The following ELP4 variants were observed in gnomAD, a reference collection of about 807,000 sequenced individuals.
ELP4 encodes elongator complex protein 4.
A neutral mutation model predicts 48.9 loss-of-function variants in ELP4; 51 were observed. The observed-to-expected ratio is 1.04, with a 90% confidence interval of 0.83 to 1.32. The LOEUF (loss-of-function observed/expected upper bound fraction) is 1.32. Among genes scored for constraint, ELP4 ranks in the 40% most tolerant of loss-of-function variants. The probability of loss-of-function intolerance (pLI) is 0.00; values close to 1 mark genes in which losing one functional copy is unlikely to be tolerated. For missense variants in ELP4, 519 were observed against 514.6 expected (o/e 1.01, Z -0.08); for synonymous variants, 210 against 189.2 (o/e 1.11, Z -0.90).
intron 9 of ELP4, chr11:31,763,274 G>T: frequency 1.6e-6 from 1 of 638,910 alleles, no homozygotes. Flanking sequence ...ATTTAGGATA[G>T]ATGAGTTCAC....
intron 9 of ELP4, chr11:31,763,614 G>T (rs1947990994): frequency 1.4e-6 from 2 of 1,474,552 alleles, no homozygotes; most frequent in South Asian, 2.9e-5. Context: ...TCATTAAGAA[G>T]GGAATGTTAA....
At chr11:31,706,992 C>G in intron 9 of ELP4, 1 of 398,086 alleles carries the variant, frequency 2.5e-6, no homozygotes, top group Admixed American at 4.4e-5. Context: ...TTTTGGACAC[C>G]TAGGTTGACT....
intron 9 of ELP4, among the ~76,000 whole-genome samples, chr11:31,740,222 T>G (rs1204089342): frequency 1.3e-5 from 2 of 152,224 alleles, no homozygotes; most frequent in Admixed American, 1.3e-4. Context: ...AAAGGGTTTT[T>G]TTCTCCTCTC....
At chr11:31,569,019 A>G (rs1957154969) in intron 3 of ELP4, among the ~76,000 whole-genome samples, 1 of 151,750 alleles carries the variant, frequency 6.6e-6, no homozygotes. Flanking sequence ...CAGGAGGCGG[A>G]GGTTGCAGTG....
At chr11:31,545,795 ACT>A (rs1435125188) in intron 3 of ELP4, among the ~76,000 whole-genome samples, 3 of 152,090 alleles carry the variant, frequency 2.0e-5, no homozygotes, top group African/African-American at 7.2e-5. Flanking sequence ...CTCTGCAGAA[ACT>A]CTACAAGCCA....
intron 3 of ELP4, among the ~76,000 whole-genome samples, chr11:31,540,129 A>G (rs1956569581): frequency 6.6e-6 from 1 of 152,228 alleles, no homozygotes; most frequent in Non-Finnish European, 1.5e-5. Flanking sequence ...AAGAAAGGGG[A>G]AAAACATCCT....
Position 31,777,381 on chromosome 11 carries a change from C to G in ELP4, c.1144-6012C>G, listed in dbSNP as rs986936487. Among the ~76,000 whole-genome samples the G allele has an allele frequency of 2.6e-5, 4 of 152,238 alleles. No individual in the cohort carries two copies. The South Asian group carries it at 8.3e-4, about 32-fold the overall frequency. Reference sequence around the variant, plus strand: ...TGAACACATTGCTTTTATTCCCACCCTCTGGACTAGTGGGGTCATCAGGTA... The same window carrying G: ...TGAACACATTGCTTTTATTCCCACCGTCTGGACTAGTGGGGTCATCAGGTA... On this transcript the variant is annotated intron_variant, in intron 9 of 9. Transcript: ENST00000640961.
chr11:31,544,151 G>C (rs1956646387), intron 3 of ELP4, among the ~76,000 whole-genome samples: 1 of 152,264 alleles, frequency 6.6e-6, no homozygotes, highest in Non-Finnish European at 1.5e-5. Flanking sequence ...AGTGGGCGCA[G>C]GTCAGTGGGT....
At chr11:31,526,590 C>T (rs1273162832) in intron 2 of ELP4, among the ~76,000 whole-genome samples, 2 of 151,870 alleles carry the variant, frequency 1.3e-5, no homozygotes, top group Non-Finnish European at 2.9e-5. Context: ...AGTTATGTCA[C>T]ACAGAAAAAA....
intron 9 of ELP4, among the ~76,000 whole-genome samples, chr11:31,671,033 A>T (rs1307053288): frequency 6.6e-6 from 1 of 152,142 alleles, no homozygotes; most frequent in Non-Finnish European, 1.5e-5. Context: ...CAGAATAATT[A>T]TATAAAAGTA....
At chr11:31,755,421 C>T (rs887208891) in intron 9 of ELP4, among the ~76,000 whole-genome samples, 2 of 152,144 alleles carry the variant, frequency 1.3e-5, no homozygotes, top group Admixed American at 1.3e-4. Flanking sequence ...CTGACAGACA[C>T]CAACTTGACA....
chr11:31,777,274 C>T (rs1231043680), intron 9 of ELP4, among the ~76,000 whole-genome samples: 1 of 152,118 alleles, frequency 6.6e-6, no homozygotes, highest in Non-Finnish European at 1.5e-5. Flanking sequence ...CTCCATCCTC[C>T]TCCTTGTGAC....
At chr11:31,741,877 C>A (rs550687039) in intron 9 of ELP4, among the ~76,000 whole-genome samples, 2 of 152,154 alleles carry the variant, frequency 1.3e-5, no homozygotes, top group African/African-American at 2.4e-5. Context: ...TCACCAGCAA[C>A]GGAACAAAGC....
Position 31,786,101 on chromosome 11 carries a change from T to G in ELP4, c.*2577T>G, listed in dbSNP as rs1473745261. On this transcript the variant is annotated 3_prime_UTR_variant, in exon 10 of 10. Coordinates refer to ENST00000640961, the MANE Select transcript of ELP4 (RefSeq NM_019040.5). ...CTTTTAGTAGCCACCATACAATATCTACTTTTCTCTTCCATTTATTCCTTA... is the reference window on the plus strand; with the variant it reads ...CTTTTAGTAGCCACCATACAATATCGACTTTTCTCTTCCATTTATTCCTTA... 4.9e-6 allele frequency: 1 copy of G among 202,270 alleles called. No individual in the cohort carries two copies. The highest frequency in any genetic ancestry group is 2.3e-5 in the African/African-American group (1 of 43,654). 12.5% of individuals were successfully genotyped at this position (202,270 alleles called of 1,614,324 possible).
intron 4 of ELP4, among the ~76,000 whole-genome samples, chr11:31,603,419 C>T (rs1322235336): frequency 6.6e-6 from 1 of 151,328 alleles, no homozygotes; most frequent in Non-Finnish European, 1.5e-5. Flanking sequence ...GTCATTAAAA[C>T]CTAGAATCTT....
chr11:31,748,658 T>G (rs1947652012), intron 9 of ELP4, among the ~76,000 whole-genome samples: 1 of 152,198 alleles, frequency 6.6e-6, no homozygotes, highest in African/African-American at 2.4e-5. Flanking sequence ...CTCTTCTACC[T>G]TAAGTGAGCT....
chr11:31,763,093 C>CA (rs34634356), intron 9 of ELP4, among the ~76,000 whole-genome samples: 45,079 of 137,442 alleles, frequency 0.33, 7,571 homozygotes, highest in African/African-American at 0.49. Context: ...GTATAATGAG[C>CA]AAAAAAAAAA....
intron 9 of ELP4, among the ~76,000 whole-genome samples, chr11:31,747,224 C>T (rs997443736): frequency 6.6e-6 from 1 of 152,014 alleles, no homozygotes; most frequent in African/African-American, 2.4e-5. Flanking sequence ...ACAGACAGTC[C>T]TTGTGTTTTA....
intron 9 of ELP4, among the ~76,000 whole-genome samples, chr11:31,782,321 C>T (rs1332705353): frequency 1.3e-5 from 2 of 151,900 alleles, no homozygotes; most frequent in Admixed American, 6.6e-5. Context: ...TCTGTTTTTC[C>T]CCCCCATATT....
Sources: gnomAD v4.1 joint callset for allele counts (sites outside exome capture counted in the v4.1 genomes callset) on GRCh38, gnomAD v4.1.1 for gene constraint, MANE v1.5 for transcripts, NCBI Gene and HGNC (gene_info 2026-07-23, HGNC 2026-07-21) for gene names.